Variants in CEP72 observed in about 807,000 individuals in gnomAD.
The protein encoded by CEP72 is centrosomal protein of 72 kDa.
A neutral mutation model predicts 65.7 loss-of-function variants in CEP72; 78 were observed. The observed-to-expected ratio is 1.19, with a 90% CI of 0.99 to 1.43. The LOEUF (loss-of-function observed/expected upper bound fraction) is 1.43, where lower values mean the gene tolerates loss of function less well. Ranked by LOEUF, CEP72 falls within the 40% of genes most tolerant of loss-of-function variation. CEP72 has a pLI of 0.00. For synonymous variants in CEP72, 358 were observed against 351.7 expected (o/e 1.02, Z -0.20); for missense variants, 914 against 832.9 (o/e 1.10, Z -1.20).
intron 1 of CEP72, among the ~76,000 whole-genome samples, chr5:618,240 A>G (rs1175501560): frequency 6.6e-6 from 1 of 152,138 alleles, no homozygotes; most frequent in Non-Finnish European, 1.5e-5. Context: ...AGATAAACAT[A>G]AGCCGAAACT....
Position 647,791 on chromosome 5 carries a change from T to TC in CEP72, c.1667-13dup. ...TACTCATTAATGGTACTTTTTTTTT[T>TC]CTTTCTCTTTCAGGACTTCAAACAA... is the stretch of plus-strand genomic sequence containing the variant. On this transcript the variant is annotated splice_polypyrimidine_tract_variant and intron_variant, in intron 10 of 11. Coordinates refer to ENST00000264935, the MANE Select transcript of CEP72 (RefSeq NM_018140.4). The TC allele has an allele frequency of 1.3e-6, 2 of 1,576,412 alleles. No individual in the cohort carries two copies. The highest frequency in any genetic ancestry group is 1.7e-6 in the Non-Finnish European group (2 of 1,156,810).
In CEP72 at chr5:645,760, T is replaced by G. The variant is rs1227341744; in HGVS notation, c.1666+1335T>G. ...AGTAAATAATAGTCTAACTTGTCTTTGTTACTCGGTCTTAAATGTATGCAT... is the reference window on the plus strand; with the variant it reads ...AGTAAATAATAGTCTAACTTGTCTTGGTTACTCGGTCTTAAATGTATGCAT... On this transcript the variant is annotated intron_variant, in intron 10 of 11. Coordinates refer to ENST00000264935, the MANE Select transcript of CEP72 (RefSeq NM_018140.4). The surrounding 1 kb of genome is among the most constrained non-coding windows in gnomAD (Gnocchi z 4.0). Among the ~76,000 whole-genome samples the G allele has an allele frequency of 6.6e-6, 1 of 152,274 alleles. No homozygotes were observed. Among genetic ancestry groups the G allele is most frequent in the African/African-American group, 2.4e-5 (1 of 41,464 alleles).
At chr5:626,244 T>G (rs1736751476) in intron 4 of CEP72, among the ~76,000 whole-genome samples, 2 of 152,160 alleles carry the variant, frequency 1.3e-5, no homozygotes, top group Admixed American at 6.5e-5. Context: ...CCTTACTGCC[T>G]TATCTGGGGC....
chr5:644,286 T>G lies in CEP72; in HGVS notation c.1540-13T>G, dbSNP rs1561056463. On this transcript the variant is annotated splice_polypyrimidine_tract_variant and intron_variant, in intron 9 of 11. Coordinates refer to ENST00000264935, the MANE Select transcript of CEP72 (RefSeq NM_018140.4). Reference sequence around the variant, plus strand: ...TTGACTTGTGCACTTAAGTGTATTTTCTGTGTCCGCAGGATGATTTGAGAC... The same window carrying G: ...TTGACTTGTGCACTTAAGTGTATTTGCTGTGTCCGCAGGATGATTTGAGAC... 7 of 1,611,714 alleles carry G rather than the reference T, an allele frequency of 4.3e-6. No homozygotes were observed. The highest frequency in any genetic ancestry group is 5.1e-6 in the Non-Finnish European group (6 of 1,178,834).
chr5:674,261 G>A, the CEP72 span, among the ~76,000 whole-genome samples: 13 of 152,160 alleles, frequency 8.5e-5, no homozygotes, highest in Admixed American at 2.0e-4. Flanking sequence ...CCACACGCCC[G>A]AGCCTGCTGA....
At chr5:628,096 A>G (rs947454598) in intron 4 of CEP72, among the ~76,000 whole-genome samples, 2 of 152,236 alleles carry the variant, frequency 1.3e-5, no homozygotes, top group Non-Finnish European at 2.9e-5. Flanking sequence ...TATGCTTCAT[A>G]GCACAGTGGC....
the CEP72 span, chr5:676,237 CT>C: frequency 2.6e-5 from 4 of 152,304 alleles, no homozygotes; most frequent in Non-Finnish European, 4.4e-5. Flanking sequence ...CAACAGGAAG[CT>C]CAGCAGGACA....
At chr5:675,215 G>GGGGTGCAGCGCAGA in the CEP72 span, among the ~76,000 whole-genome samples, 1 of 92,660 alleles carries the variant, frequency 1.1e-5, no homozygotes, top group Non-Finnish European at 2.2e-5. Flanking sequence ...AGTGTAGCCG[G>GGGGTGCAGCGCAGA]GGGTGCAGTG....
chr5:667,870 C>A (rs71585295), downstream of CEP72, among the ~76,000 whole-genome samples: 8,983 of 64,900 alleles, frequency 0.14, 768 homozygotes, highest in East Asian at 0.26. Flanking sequence ...AGGGAAGTAC[C>A]GACAAGCACA....
chr5:642,696 T>A, intron 9 of CEP72: 3 of 985,450 alleles, frequency 3.0e-6, no homozygotes, highest in Non-Finnish European at 3.6e-6. Flanking sequence ...CCTGGTTCCC[T>A]GTCAGGGTGA....
chr5:655,351 T>G (rs1347016233), downstream of CEP72: 1 of 151,864 alleles, frequency 6.6e-6, no homozygotes, highest in Non-Finnish European at 1.5e-5. The surrounding 1 kb of genome is among the most constrained non-coding windows in gnomAD (Gnocchi z 5.0). Context: ...AGAGCAAGAC[T>G]CCGTCTCAAA....
At chr5:649,415 G>C (rs1427981332) in intron 11 of CEP72, among the ~76,000 whole-genome samples, 1 of 131,150 alleles carries the variant, frequency 7.6e-6, no homozygotes, top group African/African-American at 3.1e-5. Context: ...GGCGTGGACT[G>C]TGAGGCGTGG....
intron 7 of CEP72, among the ~76,000 whole-genome samples, chr5:638,537 A>T (rs1737776107): frequency 6.7e-6 from 1 of 148,264 alleles, no homozygotes; most frequent in African/African-American, 2.5e-5. Flanking sequence ...GGCCGGAGCT[A>T]GAGGCAGCTC....
chr5:635,676 T>C lies in CEP72; in HGVS notation c.904+92T>C, dbSNP rs562128883. 1.1e-4 allele frequency: 123 copies of C among 1,096,648 alleles called. No homozygotes were observed. In the African/African-American group the frequency reaches 1.6e-3, roughly 14 times the overall value. 67.9% of individuals were successfully genotyped at this position (1,096,648 alleles called of 1,614,324 possible). ...AAAGAACAGAAGCTTATGTGGCTCATGGTTCTGGAGGCTGGGAAGTCCAAG... is the reference window on the plus strand; with the variant it reads ...AAAGAACAGAAGCTTATGTGGCTCACGGTTCTGGAGGCTGGGAAGTCCAAG... On this transcript the variant is annotated intron_variant, in intron 6 of 11. Transcript: ENST00000264935.
At chr5:648,495 T>C (rs1183533393) in intron 11 of CEP72, among the ~76,000 whole-genome samples, 4 of 135,056 alleles carry the variant, frequency 3.0e-5, no homozygotes, top group Admixed American at 7.4e-5. Context: ...GACTGTGAGG[T>C]GTGACTGTGA....
chr5:615,822 A>G (rs1037977248), intron 1 of CEP72, among the ~76,000 whole-genome samples: 2 of 152,086 alleles, frequency 1.3e-5, no homozygotes, highest in South Asian at 2.1e-4. Context: ...GTTTTGGTGT[A>G]TATCTCCTTG....
chr5:661,717 C>T (rs562127892), downstream of CEP72: 2 of 152,514 alleles, frequency 1.3e-5, no homozygotes, highest in East Asian at 1.9e-4. Flanking sequence ...GATGCAATTA[C>T]GGATTCCACA....
chr5:637,189 G>A (rs576360761), intron 6 of CEP72, among the ~76,000 whole-genome samples: 33 of 152,348 alleles, frequency 2.2e-4, no homozygotes, highest in East Asian at 3.9e-4. Context: ...TTGTTGAAGC[G>A]TACTGCACGT....
At chr5:659,717 C>T (rs1481925269), downstream of CEP72, 2 of 152,404 alleles carry the variant, frequency 1.3e-5, no homozygotes, top group African/African-American at 4.8e-5. Flanking sequence ...GAGAGACTCC[C>T]TCGGGAAAAG....
Sources: allele counts gnomAD v4.1 joint callset (sites outside exome capture counted in the v4.1 genomes callset), GRCh38; gene constraint gnomAD v4.1.1; non-coding constraint Gnocchi (gnomAD v3.1); transcripts MANE v1.5; gene names NCBI Gene and HGNC (gene_info 2026-07-23, HGNC 2026-07-21).